The following CD96 variants were observed in gnomAD, a reference collection of about 807,000 sequenced individuals.
CD96 encodes the protein T-cell surface protein tactile.
In CD96, 70 loss-of-function variants were observed where a neutral mutation model predicts 71.3. The observed-to-expected ratio is 0.98, with a 90% CI of 0.81 to 1.20. The LOEUF (loss-of-function observed/expected upper bound fraction) is 1.20, where lower values mean the gene tolerates loss of function less well. Among genes scored for constraint, CD96 ranks in the 50% most tolerant of loss-of-function variants. CD96 has a pLI of 0.00. For missense variants in CD96, 742 were observed against 677.5 expected, an observed-to-expected ratio of 1.10 and a Z score of -1.06; for synonymous variants, 248 against 233.0, an observed-to-expected ratio of 1.06 and a Z score of -0.59.
chr3:111,644,875 G>C (rs977107150), intron 12 of CD96, among the ~76,000 whole-genome samples: 9 of 152,096 alleles, frequency 5.9e-5, no homozygotes, highest in African/African-American at 2.2e-4. Context: ...ATGTTGGCAT[G>C]GATGTGGTGA....
chr3:111,584,070 A>G (rs571038370), intron 4 of CD96, among the ~76,000 whole-genome samples: 6 of 152,302 alleles, frequency 3.9e-5, no homozygotes, highest in African/African-American at 1.2e-4. Flanking sequence ...ACAGCACCCA[A>G]TACACCTCTC....
chr3:111,571,003 C>T lies in CD96; in HGVS notation c.543+3356C>T. ...AAAAGCTGGGAGGGCATCTCCTGCTCCTCCAGCTTCTCTTTTGGGGTCAGC... is the reference window on the plus strand; with the variant it reads ...AAAAGCTGGGAGGGCATCTCCTGCTTCTCCAGCTTCTCTTTTGGGGTCAGC... On this transcript the variant is annotated intron_variant, in intron 3 of 13. Transcript: ENST00000352690. The T allele has an allele frequency of 3.4e-6, 5 of 1,460,730 alleles. No individual in the cohort carries two copies. In the South Asian group the frequency reaches 5.7e-5, roughly 17 times the overall value. 90.5% of individuals were successfully genotyped at this position (1,460,730 alleles called of 1,614,324 possible).
chr3:111,599,258 G>A (rs1422330153), intron 6 of CD96, among the ~76,000 whole-genome samples: 1 of 152,126 alleles, frequency 6.6e-6, no homozygotes, highest in South Asian at 2.1e-4. Flanking sequence ...TTGAGCCACC[G>A]CGCCCAGCCC....
intron 10 of CD96, chr3:111,634,522 A>C (rs1466295450): frequency 6.6e-6 from 1 of 152,410 alleles, no homozygotes; most frequent in Non-Finnish European, 1.5e-5. Flanking sequence ...ATGTGTACTC[A>C]AAGGATTTAA....
In CD96 at chr3:111,542,313, A is replaced by G. The variant is rs374597451; in HGVS notation, c.61+4A>G. On this transcript the variant is annotated splice_donor_region_variant and intron_variant, in intron 1 of 13. Coordinates refer to ENST00000352690, the MANE Select transcript of CD96 (RefSeq NM_005816.5). The stretch of plus-strand genomic sequence containing the variant: ...ATCCAGATACATTTTGTCAAGGGTA[A>G]GACTTCCAGTTGTCCCTTCTTGTCG... 8 of 1,612,382 alleles carry G rather than the reference A, an allele frequency of 5.0e-6. No individual in the cohort carries two copies. In the African/African-American group the frequency reaches 9.3e-5, roughly 19 times the overall value.
At chr3:111,636,184 G>T (rs1039694190) in intron 10 of CD96, among the ~76,000 whole-genome samples, 8 of 152,274 alleles carry the variant, frequency 5.3e-5, no homozygotes, top group African/African-American at 1.7e-4. Context: ...AAATAGCTAT[G>T]ACAAATTGTC....
At chr3:111,617,429 C>T (rs758909558) in intron 8 of CD96, among the ~76,000 whole-genome samples, 4 of 152,234 alleles carry the variant, frequency 2.6e-5, no homozygotes. Flanking sequence ...AATCACCATG[C>T]ACTTTCTCCC....
At chr3:111,544,127 G>C (rs1157129742) in intron 1 of CD96, among the ~76,000 whole-genome samples, 2 of 152,070 alleles carry the variant, frequency 1.3e-5, no homozygotes, top group Non-Finnish European at 2.9e-5. Flanking sequence ...TACTGGAGGT[G>C]TGACTTTTTT....
chr3:111,625,791 C>T (rs1000020456), intron 10 of CD96, among the ~76,000 whole-genome samples: 5 of 151,948 alleles, frequency 3.3e-5, no homozygotes, highest in South Asian at 2.1e-4. Context: ...CATCAAAAGA[C>T]GTCTTTAAAA....
chr3:111,660,728 A>G (rs1453162698), intron 14 of CD96, among the ~76,000 whole-genome samples: 1 of 152,232 alleles, frequency 6.6e-6, no homozygotes, highest in Non-Finnish European at 1.5e-5. Flanking sequence ...ATGTACAACT[A>G]TCTGATCTTC....
At chr3:111,565,127 C>G (rs534176726) in intron 2 of CD96, among the ~76,000 whole-genome samples, 109 of 152,282 alleles carry the variant, frequency 7.2e-4, no homozygotes, top group African/African-American at 2.6e-3. Flanking sequence ...ATCTACCTGT[C>G]TTTCCAGTGA....
At chr3:111,626,335 C>CTCAGTG (rs1016551502) in intron 10 of CD96, among the ~76,000 whole-genome samples, 1 of 138,708 alleles carries the variant, frequency 7.2e-6, no homozygotes, top group African/African-American at 2.6e-5. Flanking sequence ...AAAAGAAATG[C>CTCAGTG]TCAGTGTCTC....
In CD96 at chr3:111,651,477, C is replaced by T. The variant is rs1940073497; in HGVS notation, c.*1671C>T. 1 of 152,230 alleles carries T rather than the reference C, an allele frequency of 6.6e-6. No individual in the cohort carries two copies. The highest frequency in any genetic ancestry group is 2.4e-5 in the African/African-American group (1 of 41,424). 9.4% of individuals were successfully genotyped at this position (152,230 alleles called of 1,614,324 possible). ...CAAAAAAGCTTGGAAGTGACCAAGGCTAGGTCACAAAATACACTGTGGCTT... is the reference window on the plus strand; with the variant it reads ...CAAAAAAGCTTGGAAGTGACCAAGGTTAGGTCACAAAATACACTGTGGCTT... On this transcript the variant is annotated 3_prime_UTR_variant, in exon 14 of 14. Coordinates refer to ENST00000352690, the MANE Select transcript of CD96 (RefSeq NM_005816.5).
chr3:111,577,840 A>G (rs180704444), intron 3 of CD96, among the ~76,000 whole-genome samples: 1 of 152,240 alleles, frequency 6.6e-6, no homozygotes, highest in Admixed American at 6.5e-5. Flanking sequence ...CATAGATCTT[A>G]TCATTATTTT....
Position 111,651,563 on chromosome 3 carries a change from G to A in CD96, c.*1757G>A, listed in dbSNP as rs1401995400. The A allele has an allele frequency of 1.3e-5, 2 of 152,404 alleles. No individual in the cohort carries two copies. Among genetic ancestry groups the A allele is most frequent in the Non-Finnish European group, 2.9e-5 (2 of 68,248 alleles). The allele number at this position is 152,404 out of a possible 1,614,324, so 9.4% of individuals were successfully genotyped here. On this transcript the variant is annotated 3_prime_UTR_variant, in exon 14 of 14. Transcript: ENST00000352690. ...GAAAAGCCCATTCCCATGCCATGAA[G>A]ACACCAAGGCAGCCCTATTGAGAAA...
chr3:111,578,119 G>T (rs999250654), intron 3 of CD96, among the ~76,000 whole-genome samples: 39 of 152,238 alleles, frequency 2.6e-4, no homozygotes, highest in Non-Finnish European at 2.1e-4. Context: ...ATACTAACAG[G>T]ATATGAAGAC....
At chr3:111,630,681 C>T (rs925751290) in intron 10 of CD96, among the ~76,000 whole-genome samples, 1 of 152,088 alleles carries the variant, frequency 6.6e-6, no homozygotes, top group Non-Finnish European at 1.5e-5. Context: ...ATCCTGATAC[C>T]AAAACCTGGC....
In CD96 at chr3:111,593,848, A is replaced by T. The variant is rs1053129309; in HGVS notation, c.808-4272A>T. The stretch of plus-strand genomic sequence containing the variant: ...GGGGCCTTGGATCCTGGCGCTGCCC[A>T]GCCTGACCATGGCCACTCTTCTCCA... On this transcript the variant is annotated intron_variant, in intron 5 of 13. Coordinates refer to ENST00000352690, the MANE Select transcript of CD96 (RefSeq NM_005816.5). 6 of 1,613,838 alleles carry T rather than the reference A, an allele frequency of 3.7e-6. No individual in the cohort carries two copies. In the Admixed American group the frequency reaches 5.0e-5, roughly 13 times the overall value.
intron 2 of CD96, among the ~76,000 whole-genome samples, chr3:111,565,299 C>T (rs1332542995): frequency 6.6e-6 from 1 of 151,998 alleles, no homozygotes; most frequent in Non-Finnish European, 1.5e-5. Context: ...ATTTAGTGTT[C>T]GTGTAGATAT....
Sources: allele counts gnomAD v4.1 joint callset (sites outside exome capture counted in the v4.1 genomes callset), GRCh38; gene constraint gnomAD v4.1.1; transcripts MANE v1.5; gene names NCBI Gene and HGNC (gene_info 2026-07-23, HGNC 2026-07-21).